NAV2: variants seen among roughly 807,000 people sequenced by gnomAD.
NAV2 encodes helicase, APC down-regulated 1.
NAV2 carries 54 observed loss-of-function variants against 223.2 expected under a neutral mutation model. The observed-to-expected ratio is 0.24, with a 90% CI of 0.19 to 0.30. The LOEUF is 0.30. Among genes scored for constraint, NAV2 ranks in the 10% least tolerant of loss-of-function variants. The pLI is 1.00. For synonymous variants in NAV2, 1,279 were observed against 1,239.3 expected (o/e 1.03, Z -0.67); for missense variants, 2,806 against 3,147.5 (o/e 0.89, Z 2.60).
At chr11:19,418,530 C>T (rs1850475015) in intron 1 of NAV2, among the ~76,000 whole-genome samples, 1 of 152,196 alleles carries the variant, frequency 6.6e-6, no homozygotes, top group Non-Finnish European at 1.5e-5. Context: ...AGGGAAAAGG[C>T]ATTCCAGACA....
At chr11:19,890,634 C>T (rs1469474915) in intron 5 of NAV2, among the ~76,000 whole-genome samples, 1 of 152,092 alleles carries the variant, frequency 6.6e-6, no homozygotes, top group Non-Finnish European at 1.5e-5. Context: ...TTTAAAAAGT[C>T]CAGCCCAAGG....
At chr11:19,518,985 G>T (rs990642282) in intron 1 of NAV2, among the ~76,000 whole-genome samples, 1 of 152,128 alleles carries the variant, frequency 6.6e-6, no homozygotes, top group Non-Finnish European at 1.5e-5. Flanking sequence ...ATGAGAGTCT[G>T]CCACCCAGAA....
chr11:19,813,344 A>G (rs916321002), intron 1 of NAV2, among the ~76,000 whole-genome samples: 1 of 152,212 alleles, frequency 6.6e-6, no homozygotes, highest in Non-Finnish European at 1.5e-5. Flanking sequence ...AAGTTTGCAC[A>G]GTCCCTTGGC....
At chr11:19,954,903 A>G (rs1393088156) in intron 10 of NAV2, among the ~76,000 whole-genome samples, 1 of 29,838 alleles carries the variant, frequency 3.4e-5, no homozygotes, top group Non-Finnish European at 6.6e-5. Flanking sequence ...GTGTATATAT[A>G]TGTGTATATA....
chr11:20,074,057 C>T lies in NAV2; in HGVS notation c.4984-3495C>T, dbSNP rs12791286. On this transcript the variant is annotated intron_variant, in intron 22 of 37. Transcript: ENST00000349880. ...CGATTTTAGATCTTTCCTGCTTTCT[C>T]TTGTGGGCATTTAGTGCTATAAATT... is the stretch of plus-strand genomic sequence containing the variant. Among the ~76,000 whole-genome samples, 155 of 152,296 alleles carry T rather than the reference C, an allele frequency of 1.0e-3. 1 individual carries two copies. The highest frequency in any genetic ancestry group is 1.7e-3 in the Non-Finnish European group (113 of 68,026).
chr11:19,878,644 A>G (rs1053091042), intron 4 of NAV2, among the ~76,000 whole-genome samples: 3 of 152,188 alleles, frequency 2.0e-5, no homozygotes, highest in Non-Finnish European at 4.4e-5. Context: ...GTTTCTTCAG[A>G]GCCTGGAGAA....
chr11:19,942,284 T>C (rs1194116815), intron 8 of NAV2, among the ~76,000 whole-genome samples: 1 of 152,182 alleles, frequency 6.6e-6, no homozygotes, highest in African/African-American at 2.4e-5. Flanking sequence ...GGTTACTGTT[T>C]TGTGTTCCTA....
intron 1 of NAV2, among the ~76,000 whole-genome samples, chr11:19,414,633 A>T (rs929513574): frequency 6.6e-6 from 1 of 152,220 alleles, no homozygotes; most frequent in Non-Finnish European, 1.5e-5. Flanking sequence ...CCAAATCAAC[A>T]GAATATACCA....
intron 1 of NAV2, among the ~76,000 whole-genome samples, chr11:19,611,914 C>G (rs1351868910): frequency 6.6e-5 from 10 of 152,236 alleles, no homozygotes; most frequent in Non-Finnish European, 1.2e-4. Context: ...CCCATATTTT[C>G]CTTCTGTACT....
intron 1 of NAV2, among the ~76,000 whole-genome samples, chr11:19,795,444 A>G (rs1233474437): frequency 6.6e-6 from 1 of 152,258 alleles, no homozygotes; most frequent in Non-Finnish European, 1.5e-5. Flanking sequence ...TAAAGAGGAA[A>G]CAAAATATTC....
At chr11:19,715,482 G>A (rs944940313) in intron 1 of NAV2, among the ~76,000 whole-genome samples, 2 of 152,120 alleles carry the variant, frequency 1.3e-5, no homozygotes, top group African/African-American at 4.8e-5. Flanking sequence ...GGCAGTCGGT[G>A]GGAGGTCAGT....
At chr11:20,105,426 G>A in intron 34 of NAV2, 105 bp from the exon 35 acceptor site, 1 of 868,066 alleles carries the variant, frequency 1.2e-6, no homozygotes, top group South Asian at 1.6e-5. Context: ...CCAATTTGTT[G>A]CATTAGCATA....
intron 1 of NAV2, among the ~76,000 whole-genome samples, chr11:19,776,631 A>AGTGTGTGTGTGTGTGTGTGTGTGTGT (rs1565295867): frequency 4.4e-5 from 1 of 22,700 alleles, no homozygotes; most frequent in Non-Finnish European, 1.7e-4. Flanking sequence ...GGGGTCAGAA[A>AGTGTGTGTGTGTGTGTGTGTGTGTGT]ATGTGTGTGT....
intron 11 of NAV2, among the ~76,000 whole-genome samples, chr11:19,991,392 T>C (rs1193622150): frequency 1.3e-5 from 2 of 152,172 alleles, no homozygotes; most frequent in African/African-American, 4.8e-5. Context: ...CCCAAAGTGC[T>C]GGTATTACAG....
At chr11:20,035,856 C>G in intron 11 of NAV2, 103 bp from the exon 12 acceptor site, 1 of 1,374,886 alleles carries the variant, frequency 7.3e-7, no homozygotes, top group East Asian at 2.4e-5. Flanking sequence ...CTTCATGGCA[C>G]AGATTGGATC....
chr11:19,639,140 G>A (rs1054389717), intron 1 of NAV2, among the ~76,000 whole-genome samples: 4 of 152,176 alleles, frequency 2.6e-5, no homozygotes, highest in Non-Finnish European at 4.4e-5. Context: ...AGGGTTTCTG[G>A]AGGGTTCTCA....
intron 2 of NAV2, among the ~76,000 whole-genome samples, chr11:19,840,640 A>G (rs2060461052): frequency 1.3e-5 from 2 of 152,206 alleles, no homozygotes; most frequent in South Asian, 2.1e-4. Context: ...CATGCCTGCC[A>G]TAATTTCCCA....
chr11:19,773,958 A>C (rs751993041), intron 1 of NAV2, among the ~76,000 whole-genome samples: 6 of 152,196 alleles, frequency 3.9e-5, no homozygotes, highest in Non-Finnish European at 1.5e-5. Context: ...AGAATTAAGA[A>C]TAGAGTGTCC....
chr11:19,525,668 C>A (rs1048648406), intron 1 of NAV2, among the ~76,000 whole-genome samples: 1 of 152,102 alleles, frequency 6.6e-6, no homozygotes, highest in Non-Finnish European at 1.5e-5. Context: ...GGCAAAACTG[C>A]GGGGATAGTC....
Sources: allele counts gnomAD v4.1 joint callset (sites outside exome capture counted in the v4.1 genomes callset), GRCh38; gene constraint gnomAD v4.1.1; transcripts MANE v1.5; gene names NCBI Gene and HGNC (gene_info 2026-07-23, HGNC 2026-07-21).